The following LINS1 variants were observed in gnomAD, a reference collection of about 807,000 sequenced individuals.
LINS1 encodes the protein protein Lines homolog 1.
In LINS1, 27 loss-of-function variants were observed where a neutral mutation model predicts 41.6. The ratio of observed to expected loss-of-function variants is 0.65; its 90% CI spans 0.48 to 0.89. The LOEUF (loss-of-function observed/expected upper bound fraction) is 0.89, where lower values mean the gene tolerates loss of function less well. Ranked by LOEUF, LINS1 falls within the 40% of genes least tolerant of loss-of-function variation. The pLI is 0.00. For missense variants in LINS1, 955 were observed against 884.1 expected, an observed-to-expected ratio of 1.08 and a Z score of -1.02; for synonymous variants, 336 against 312.9, an observed-to-expected ratio of 1.07 and a Z score of -0.78.
rs1256350332 is a variant in LINS1, at chr15:100,574,987, C to T, written c.631G>A (p.Glu211Lys). The stretch of plus-strand genomic sequence containing the variant: ...GTTTATGGGGCCATGTAATCCATAC[C>T]TGTTTTCTGTGAACATGAATCTTTA... ...IFKDSCSQKT[E>K]ILKQFLTHFD... Residue 211 changes from glutamate (E) to lysine (K), a missense_variant and splice_region_variant, in exon 4 of 7, where the codon GAA (glutamate) becomes AAA (lysine). Coordinates refer to ENST00000314742, the MANE Select transcript of LINS1 (RefSeq NM_001040616.3). The T allele has an allele frequency of 6.2e-7, 1 of 1,612,204 alleles. No homozygotes were observed. The highest frequency in any genetic ancestry group is 1.1e-5 in the South Asian group (1 of 91,014).
chr15:100,576,863 G>A (rs1014626236), intron 3 of LINS1, among the ~76,000 whole-genome samples: 2 of 152,128 alleles, frequency 1.3e-5, no homozygotes, highest in Non-Finnish European at 1.5e-5. Flanking sequence ...ACGCAAGGCT[G>A]GTTCAACATA....
intron 6 of LINS1, among the ~76,000 whole-genome samples, chr15:100,571,038 C>T (rs905989190): frequency 2.6e-5 from 4 of 152,166 alleles, no homozygotes; most frequent in African/African-American, 9.7e-5. Context: ...TCAGACTGAA[C>T]TTGTATTTGA....
intron 1 of LINS1, among the ~76,000 whole-genome samples, chr15:100,598,063 G>A (rs1221596991): frequency 6.6e-6 from 1 of 152,160 alleles, no homozygotes; most frequent in Non-Finnish European, 1.5e-5. Flanking sequence ...TTTTGTTTTA[G>A]GCTTAAATAT....
intron 3 of LINS1, 96 bp from the exon 4 acceptor site, chr15:100,575,224 A>G: frequency 5.4e-6 from 6 of 1,109,340 alleles, no homozygotes; most frequent in Non-Finnish European, 7.9e-6. Flanking sequence ...GGCCAAAAGA[A>G]GTATGATAAT....
At chr15:100,598,563 C>T (rs2039343770) in intron 1 of LINS1, among the ~76,000 whole-genome samples, 1 of 152,130 alleles carries the variant, frequency 6.6e-6, no homozygotes, top group Admixed American at 6.5e-5. Flanking sequence ...TGGTAGAATA[C>T]CATAGAAGAC....
At chr15:100,582,067 C>T (rs572579616) in intron 1 of LINS1, among the ~76,000 whole-genome samples, 32 of 152,378 alleles carry the variant, frequency 2.1e-4, no homozygotes, top group South Asian at 6.2e-4. Context: ...CAAAAGACTT[C>T]GGAAGTCTAC....
chr15:100,573,150 C>T, intron 5 of LINS1: 1 of 158,708 alleles, frequency 6.3e-6, no homozygotes, highest in Non-Finnish European at 1.4e-5. Context: ...AAAGGATCTC[C>T]ATCTGTTGCA....
intron 1 of LINS1, among the ~76,000 whole-genome samples, chr15:100,582,393 C>T (rs1596928367): frequency 1.4e-5 from 2 of 139,614 alleles, no homozygotes; most frequent in South Asian, 2.4e-4. Context: ...ACTGGGTCTT[C>T]CATCTACACT....
chr15:100,584,572 A>G (rs373693692), intron 1 of LINS1, among the ~76,000 whole-genome samples: 2,556 of 104,154 alleles, frequency 0.025, 64 homozygotes, highest in Admixed American at 0.081. Flanking sequence ...GAGACAGAGG[A>G]AAAAAAAAAA....
At chr15:100,581,232 C>T (rs1325749562) in intron 1 of LINS1, among the ~76,000 whole-genome samples, 2 of 152,300 alleles carry the variant, frequency 1.3e-5, no homozygotes, top group Non-Finnish European at 2.9e-5. Flanking sequence ...TTAACTTTGG[C>T]ACTATTAATA....
In LINS1 at chr15:100,569,142, A is replaced by T; in HGVS notation, c.*96T>A. The T allele has an allele frequency of 2.5e-6, 2 of 802,218 alleles. No individual in the cohort carries two copies. The highest frequency in any genetic ancestry group is 4.0e-6 in the Non-Finnish European group (2 of 505,814). The allele number at this position is 802,218 out of a possible 1,614,324, so 49.7% of individuals were successfully genotyped here. ...TGTCTCAAAAAAAAAAAAAAAAAAG[A>T]AAACCCTTTTATGGTGATGATTTTA... On this transcript the variant is annotated 3_prime_UTR_variant, in exon 7 of 7. Transcript: ENST00000314742.
In LINS1 at chr15:100,580,472, A is replaced by G. The variant is rs2038471764; in HGVS notation, c.371T>C (p.Leu124Ser). 1.2e-6 allele frequency: 2 copies of G among 1,613,912 alleles called. No homozygotes were observed. The highest frequency in any genetic ancestry group is 2.7e-5 in the African/African-American group (2 of 74,926). Residue 124 changes from leucine to serine, a missense_variant, in exon 2 of 7, where the codon TTA becomes TCA. Coordinates refer to ENST00000314742, the MANE Select transcript of LINS1 (RefSeq NM_001040616.3). The stretch of plus-strand genomic sequence containing the variant: ...TTTAGAATCGACTTTGGCTGATTCT[A>G]AGAGAATTTTAATTACATCTCTGTA... The part of the protein sequence containing the change: ...EQYRDVIKIL[L>S]ESAKVDSKLI...
At chr15:100,572,944 C>T (rs550529101) in intron 5 of LINS1, 1 of 540,872 alleles carries the variant, frequency 1.8e-6, no homozygotes, top group East Asian at 1.3e-4. Flanking sequence ...ACGAGAGGAT[C>T]ACTTCAGCTC....
At chr15:100,575,465 A>G (rs1292064307) in intron 3 of LINS1, among the ~76,000 whole-genome samples, 1 of 152,210 alleles carries the variant, frequency 6.6e-6, no homozygotes. Context: ...ATTCAACAAG[A>G]AGAGCTAACT....
intron 5 of LINS1, chr15:100,572,654 A>G: frequency 1.0e-6 from 1 of 988,072 alleles, no homozygotes; most frequent in East Asian, 1.1e-4. Context: ...AAGCTAAATT[A>G]TATCCAAAGC....
At chr15:100,595,741 G>T (rs1002734663) in intron 1 of LINS1, among the ~76,000 whole-genome samples, 12 of 152,192 alleles carry the variant, frequency 7.9e-5, no homozygotes, top group African/African-American at 2.9e-4. Flanking sequence ...GACTGGGAAA[G>T]TCAATAGTAG....
chr15:100,572,905 A>C, intron 5 of LINS1: 1 of 685,588 alleles, frequency 1.5e-6, no homozygotes, highest in Non-Finnish European at 1.8e-6. Context: ...TGTATGAAGG[A>C]TTAATACAAA....
At chr15:100,571,447 A>C (rs543848599) in intron 6 of LINS1, among the ~76,000 whole-genome samples, 2 of 152,368 alleles carry the variant, frequency 1.3e-5, no homozygotes, top group East Asian at 3.9e-4. Context: ...CATTTGCCTC[A>C]AGAAGGTATC....
rs1357907788 is a variant in LINS1, at chr15:100,569,774, G to C, written c.1738C>G (p.Pro580Ala). 4 of 1,613,880 alleles carry C rather than the reference G, an allele frequency of 2.5e-6. No individual in the cohort carries two copies. The highest frequency in any genetic ancestry group is 1.7e-5 in the Admixed American group (1 of 59,956). The change falls in exon 7 of 7, where the codon CCT becomes GCT. Residue 580 changes from proline (P) to alanine (A), a missense_variant. Transcript: ENST00000314742. ...GCACACACATCTCTGTGACTATGAG[G>C]AGCAGTCAAACGATGGGGTATTGTT... ...NQTIPHRLTA[P>A]HSHRDVCARH...
Sources: gnomAD v4.1 joint callset for allele counts (sites outside exome capture counted in the v4.1 genomes callset) on GRCh38, gnomAD v4.1.1 for gene constraint, MANE v1.5 for transcripts, NCBI Gene and HGNC (gene_info 2026-07-23, HGNC 2026-07-21) for gene names.